Variants in IL34 observed in about 807,000 individuals in gnomAD.
The protein encoded by IL34 is interleukin 34, also known as interleukin-34.
Under a neutral mutation model 25.3 loss-of-function variants are expected in IL34, and 17 were observed. The observed-to-expected ratio is 0.67, with a 90% confidence interval of 0.46 to 1.01. The LOEUF (loss-of-function observed/expected upper bound fraction) is 1.01. Ranked by LOEUF, IL34 falls within the 50% of genes least tolerant of loss-of-function variation. IL34 has a pLI of 0.00. For missense variants in IL34, 368 were observed against 312.9 expected, an observed-to-expected ratio of 1.18 and a Z score of -1.33; for synonymous variants, 174 against 140.9, an observed-to-expected ratio of 1.23 and a Z score of -1.66.
At chr16:70,608,207 C>A (rs2051040528) in intron 1 of IL34, among the ~76,000 whole-genome samples, 1 of 149,056 alleles carries the variant, frequency 6.7e-6, no homozygotes, top group Non-Finnish European at 1.5e-5. Flanking sequence ...CGGCTCACTG[C>A]AACCTCTGAC....
chr16:70,657,213 A>G (rs1192677239), intron 4 of IL34, 92 bp downstream of exon 4: 27 of 1,367,550 alleles, frequency 2.0e-5, no homozygotes, highest in Non-Finnish European at 2.6e-5. Flanking sequence ...AGTGAGGGAA[A>G]GGGTGAATAC....
At chr16:70,629,959 CTA>C (rs566295603) in intron 1 of IL34, among the ~76,000 whole-genome samples, 63 of 152,098 alleles carry the variant, frequency 4.1e-4, no homozygotes, top group African/African-American at 1.4e-3. Flanking sequence ...TTCATTCTGT[CTA>C]TGTTTTTGTA....
At chr16:70,587,739 A>AAAAG (rs758347919) in intron 1 of IL34, among the ~76,000 whole-genome samples, 1 of 152,048 alleles carries the variant, frequency 6.6e-6, no homozygotes, top group African/African-American at 2.4e-5. Context: ...ATCAAAAAAA[A>AAAAG]AAAGAAAGAA....
At chr16:70,619,995 T>C (rs2076340533) in intron 1 of IL34, among the ~76,000 whole-genome samples, 2 of 152,126 alleles carry the variant, frequency 1.3e-5, no homozygotes, top group South Asian at 4.2e-4. Context: ...TGGAAGTTCT[T>C]GTGTGCTGGA....
At chr16:70,620,495 T>C (rs1398670835) in intron 1 of IL34, among the ~76,000 whole-genome samples, 1 of 151,848 alleles carries the variant, frequency 6.6e-6, no homozygotes, top group Non-Finnish European at 1.5e-5. Context: ...AATTGGGACC[T>C]AGCTCAGCCT....
At chr16:70,609,646 G>A (rs73573189) in intron 1 of IL34, among the ~76,000 whole-genome samples, 10,803 of 152,238 alleles carry the variant, frequency 0.071, 1,270 homozygotes, top group African/African-American at 0.25. Flanking sequence ...GGTGCACTGA[G>A]GCAGAGACTG....
intron 2 of IL34, 125 bp from the exon 3 acceptor site, chr16:70,656,477 C>T (rs992928661): frequency 1.4e-6 from 1 of 717,776 alleles, no homozygotes; most frequent in Non-Finnish European, 2.5e-6. Context: ...CATGATGCTG[C>T]CCCTGCACTC....
chr16:70,658,204 G>C (rs2052285028), intron 4 of IL34, among the ~76,000 whole-genome samples: 1 of 152,242 alleles, frequency 6.6e-6, no homozygotes, highest in Non-Finnish European at 1.5e-5. Context: ...AAAGGGCTTA[G>C]GGACTAGCAC....
At chr16:70,591,738 C>G (rs2050757262) in intron 1 of IL34, among the ~76,000 whole-genome samples, 1 of 152,108 alleles carries the variant, frequency 6.6e-6, no homozygotes, top group South Asian at 2.1e-4. Context: ...CTTACAGGGC[C>G]CAGCTGGTGA....
At chr16:70,631,674 G>A (rs1459441958) in intron 1 of IL34, among the ~76,000 whole-genome samples, 1 of 152,080 alleles carries the variant, frequency 6.6e-6, no homozygotes, top group Non-Finnish European at 1.5e-5. Context: ...GTTTTGGCCA[G>A]TAACAAAGAA....
At chr16:70,605,971 T>G (rs1273976667) in intron 1 of IL34, among the ~76,000 whole-genome samples, 1 of 63,686 alleles carries the variant, frequency 1.6e-5, no homozygotes. Flanking sequence ...CGCACCTGGT[T>G]TTTTTTTTTT....
At position 70,656,669 on chromosome 16, in the gene IL34, T is replaced by G. The variant is rs1414770620; in HGVS notation, c.230T>G (p.Val77Gly). The G allele has an allele frequency of 2.2e-6, 3 of 1,376,804 alleles. No homozygotes were observed. The highest frequency in any genetic ancestry group is 2.1e-6 in the Non-Finnish European group (2 of 963,392). The allele number at this position is 1,376,804 out of a possible 1,614,324, so 85.3% of individuals were successfully genotyped here. A position where few individuals can be genotyped will look rare whatever the true frequency, so the allele number is the denominator to read the frequency against. The change falls in exon 3 of 6, where the codon GTC becomes GGC. Residue 77 changes from valine (V) to glycine (G), a missense_variant. Coordinates refer to ENST00000288098, the MANE Select transcript of IL34 (RefSeq NM_001393494.1). ...PYEGVFRIAN[V>G]TRLQRAQVSE... is the part of the protein sequence containing the mutation. ...GAGGGGGTGTTCAGAATCGCCAACG[T>G]CACCAGGCTGGTGAGAATCCCTTCC...
chr16:70,660,274 TG>T lies in IL34; in HGVS notation c.*90del. ...GGTCTGAGACTTCAAGGGGTGGTGG[TG>T]GGAGCCCCCCTTGGGAGAGGACCCC... On this transcript the variant is annotated 3_prime_UTR_variant, in exon 6 of 6. Coordinates refer to ENST00000288098, the MANE Select transcript of IL34 (RefSeq NM_001393494.1). 1 of 1,283,450 alleles carries T rather than the reference TG, an allele frequency of 7.8e-7. No individual in the cohort carries two copies. The allele number at this position is 1,283,450 out of a possible 1,614,324, so 79.5% of individuals were successfully genotyped here.
At chr16:70,602,810 G>A (rs549250466) in intron 1 of IL34, among the ~76,000 whole-genome samples, 1 of 152,068 alleles carries the variant, frequency 6.6e-6, no homozygotes, top group South Asian at 2.1e-4. Context: ...ATGTGGCTAG[G>A]ACACTAGGTG....
chr16:70,636,903 G>A (rs8061423), intron 1 of IL34, among the ~76,000 whole-genome samples: 15,948 of 150,488 alleles, frequency 0.11, 2,711 homozygotes, highest in African/African-American at 0.36. Context: ...TTTTTGAGAC[G>A]GGGTTTCGTT....
chr16:70,617,132 A>G (rs1240026171), intron 1 of IL34, among the ~76,000 whole-genome samples: 1 of 152,092 alleles, frequency 6.6e-6, no homozygotes, highest in African/African-American at 2.4e-5. Flanking sequence ...TAGAAGAAAC[A>G]TTTGTTGTGT....
At position 70,600,783 on chromosome 16, in the gene IL34, GA is replaced by G. The variant is rs200320054; in HGVS notation, c.-401+20736del. On this transcript the variant is annotated intron_variant, in intron 1 of 6. Transcript: ENST00000429149. ...GAAAAAAGTATTTGGGAGAAACAGG[GA>G]ATGCTGGGAGAGATGGGGATGCTGG... Among the ~76,000 whole-genome samples, 947 of 152,264 alleles carry G rather than the reference GA, an allele frequency of 6.2e-3. 15 individuals are homozygous for G. The highest frequency in any genetic ancestry group is 0.021 in the African/African-American group (886 of 41,528).
At chr16:70,644,919 A>G (rs867959958), upstream of IL34, among the ~76,000 whole-genome samples, 351 of 52,758 alleles carry the variant, frequency 6.7e-3, 4 homozygotes, top group South Asian at 0.023. Context: ...AGGGAGGAGA[A>G]GGAGGAGGAA....
Position 70,660,346 on chromosome 16 carries a change from G to C in IL34, c.*159G>C, listed in dbSNP as rs1297732777. 5 of 643,784 alleles carry C rather than the reference G, an allele frequency of 7.8e-6. No individual in the cohort carries two copies. Among genetic ancestry groups the C allele is most frequent in the Non-Finnish European group, 1.0e-5 (4 of 399,768 alleles). 39.9% of individuals were successfully genotyped at this position (643,784 alleles called of 1,614,324 possible). On this transcript the variant is annotated 3_prime_UTR_variant, in exon 6 of 6. Coordinates refer to ENST00000288098, the MANE Select transcript of IL34 (RefSeq NM_001393494.1). ...TGAGGGGGATTCTGTGCCACAGCAG[G>C]GCTCAGCTTCCTGCCTTCCATAGCT... is the stretch of plus-strand genomic sequence containing the variant.
Sources: gnomAD v4.1 joint callset for allele counts (sites outside exome capture counted in the v4.1 genomes callset) on GRCh38, gnomAD v4.1.1 for gene constraint, MANE v1.5 for transcripts, NCBI Gene and HGNC (gene_info 2026-07-23, HGNC 2026-07-21) for gene names.